Variants in KRT83 observed in about 807,000 individuals in gnomAD.
KRT83 encodes the protein keratin, type II cuticular Hb3.
Under a neutral mutation model 52.9 loss-of-function variants are expected in KRT83, and 51 were observed. The ratio of observed to expected loss-of-function variants is 0.96; its 90% CI spans 0.77 to 1.22. The LOEUF (loss-of-function observed/expected upper bound fraction) is 1.22, where lower values mean the gene tolerates loss of function less well. KRT83 is among the 50% of genes most tolerant of loss of function. The probability of loss-of-function intolerance (pLI) is 0.00; values close to 1 mark genes in which losing one functional copy is unlikely to be tolerated. For synonymous variants in KRT83, 278 were observed against 274.1 expected, an observed-to-expected ratio of 1.01 and a Z score of -0.14; for missense variants, 654 against 666.5, an observed-to-expected ratio of 0.98 and a Z score of 0.21.
rs1000243240 is a variant in KRT83 at position 52,314,479 on chromosome 12, G to C, written c.*152C>G. On this transcript the variant is annotated 3_prime_UTR_variant, in exon 9 of 9. Transcript: ENST00000293670. ...CAGGCCCCTTTCCAGTGGGATGAAA[G>C]GTGGGGAGGAGCCGCTGGTGGGAAT... is the stretch of plus-strand genomic sequence containing the variant. The C allele has an allele frequency of 2.7e-6, 2 of 746,364 alleles. No homozygotes were observed. Among genetic ancestry groups the C allele is most frequent in the East Asian group, 2.7e-5 (1 of 37,162 alleles). 46.2% of individuals were successfully genotyped at this position (746,364 alleles called of 1,614,324 possible). A position where few individuals can be genotyped will look rare whatever the true frequency, so the allele number is the denominator to read the frequency against.
Position 52,321,119 on chromosome 12 carries a change from C to G in KRT83, c.217G>C (p.Gly73Arg), listed in dbSNP as rs760565887. 1.9e-6 allele frequency: 3 copies of G among 1,612,332 alleles called. No homozygotes were observed. The highest frequency in any genetic ancestry group is 1.1e-5 in the South Asian group (1 of 91,002). ...GGGGGGCTGGGTCCGCACACGCCCC[C>G]GGAGCGGTAGCCGAAGCTGCGTCCG... ...SCGRSFGYRSGGVCGPSPPCI... is the reference protein window; with the variant it reads ...SCGRSFGYRSRGVCGPSPPCI... The change falls in exon 1 of 9, where the codon GGG becomes CGG. Residue 73 changes from glycine (G) to arginine (R), a missense_variant. Gly to Arg is a moderately radical substitution (Grantham distance 125, BLOSUM62 -2). Coordinates refer to ENST00000293670, the MANE Select transcript of KRT83 (RefSeq NM_002282.3).
chr12:52,316,651 C>A, intron 5 of KRT83, 58 bp from the exon 6 acceptor site: 1 of 1,613,642 alleles, frequency 6.2e-7, no homozygotes, highest in Non-Finnish European at 8.5e-7. Context: ...TCATTCAGGA[C>A]AGCTCAGATG....
intron 4 of KRT83, 85 bp from the exon 5 acceptor site, chr12:52,317,108 G>C: frequency 1.3e-6 from 2 of 1,558,548 alleles, no homozygotes; most frequent in South Asian, 1.1e-5. Context: ...TTGGCTCATC[G>C]GGAGTGAACT....
intron 8 of KRT83, 21 bp downstream of exon 8, chr12:52,315,291 T>C: frequency 6.2e-7 from 1 of 1,613,004 alleles, no homozygotes. Flanking sequence ...CATTTTCCTT[T>C]TCAGGGCTCA....
In KRT83 at chr12:52,314,520, T is replaced by C. The variant is rs1224061972; in HGVS notation, c.*111A>G. 7 of 1,015,980 alleles carry C rather than the reference T, an allele frequency of 6.9e-6. No individual in the cohort carries two copies. The Admixed American group carries it at 1.2e-4, about 17-fold the overall frequency. 62.9% of individuals were successfully genotyped at this position (1,015,980 alleles called of 1,614,324 possible). A position where few individuals can be genotyped will look rare whatever the true frequency, so the allele number is the denominator to read the frequency against. ...TGGTGGGAATGAGCCGATGGTGTAT[T>C]CTCAGAACACAAGGGGAAAAGCCAG... is the stretch of plus-strand genomic sequence containing the variant. On this transcript the variant is annotated 3_prime_UTR_variant, in exon 9 of 9. Coordinates refer to ENST00000293670, the MANE Select transcript of KRT83 (RefSeq NM_002282.3).
At chr12:52,317,634 G>A in intron 4 of KRT83, 47 bp downstream of exon 4, 1 of 1,594,260 alleles carries the variant, frequency 6.3e-7, no homozygotes, top group Non-Finnish European at 8.6e-7. Context: ...AGAGGGTCAG[G>A]GATCCCATGG....
chr12:52,319,127 T>G, intron 2 of KRT83, 29 bp downstream of exon 2: 2 of 1,612,492 alleles, frequency 1.2e-6, no homozygotes. Context: ...CTATTTCCTG[T>G]GCCCAGAACC....
rs1240531540 is a variant in KRT83 at position 52,314,602 on chromosome 12, G to A, written c.*29C>T. On this transcript the variant is annotated 3_prime_UTR_variant, in exon 9 of 9. Transcript: ENST00000293670. ...GCAGTGGCACGTCTGGCAGGCAGAA[G>A]GGGCTCCCCTGGCTCTCTTTTGGGC... 1 of 1,548,412 alleles carries A rather than the reference G, an allele frequency of 6.5e-7. No individual in the cohort carries two copies. Among genetic ancestry groups the A allele is most frequent in the South Asian group, 1.2e-5 (1 of 83,996 alleles).
intron 7 of KRT83, among the ~76,000 whole-genome samples, chr12:52,315,652 C>T (rs1172262357): frequency 6.6e-6 from 1 of 152,196 alleles, no homozygotes; most frequent in Non-Finnish European, 1.5e-5. Context: ...AGGAGAAGGC[C>T]CTCTTGGGAA....
At chr12:52,318,844 G>A (rs1333852942) in intron 2 of KRT83, among the ~76,000 whole-genome samples, 1 of 152,224 alleles carries the variant, frequency 6.6e-6, no homozygotes, top group African/African-American at 2.4e-5. Context: ...TGTTAGCTGA[G>A]TGAGAGAGCA....
At position 52,314,390 on chromosome 12, in the gene KRT83, G is replaced by A. The variant is rs1430876318; in HGVS notation, c.*241C>T. 16 of 585,908 alleles carry A rather than the reference G, an allele frequency of 2.7e-5. No individual in the cohort carries two copies. The Admixed American group carries it at 4.5e-4, about 16-fold the overall frequency. The allele number at this position is 585,908 out of a possible 1,614,324, so 36.3% of individuals were successfully genotyped here. On this transcript the variant is annotated 3_prime_UTR_variant, in exon 9 of 9. Coordinates refer to ENST00000293670, the MANE Select transcript of KRT83 (RefSeq NM_002282.3). The stretch of plus-strand genomic sequence containing the variant: ...ACAGTGCTTCTTCCAGGGAAGCAAG[G>A]CCCTTCTCCCCGGGAGGGGCTGAAG...
Position 52,316,486 on chromosome 12 carries a change from C to T in KRT83, c.1023G>A (p.Val341=). Residue 341 remains valine (V), a synonymous_variant, in exon 6 of 9, where the codon GTG becomes GTA. Transcript: ENST00000293670. ...NRMIQRLTAE[V]ENAKCQNSKL... is the part of the protein sequence containing the mutation. The stretch of plus-strand genomic sequence containing the variant: ...CTGGTACCTGGCACTTGGCATTCTC[C>T]ACCTCGGCTGTCAGCCTCTGGATCA... 2 of 1,614,148 alleles carry T rather than the reference C, an allele frequency of 1.2e-6. No homozygotes were observed. The highest frequency in any genetic ancestry group is 1.7e-6 in the Non-Finnish European group (2 of 1,180,026).
chr12:52,321,028 T>C lies in KRT83; in HGVS notation c.308A>G (p.Asn103Ser), dbSNP rs758512053. 1.9e-6 allele frequency: 3 copies of C among 1,612,976 alleles called. No homozygotes were observed. The highest frequency in any genetic ancestry group is 2.2e-5 in the South Asian group (2 of 91,028). Residue 103 changes from asparagine to serine, a missense_variant, in exon 1 of 9, where the codon AAC (asparagine) becomes AGC (serine). Asn to Ser is a conservative substitution (Grantham distance 46). Transcript: ENST00000293670. ...LTPLNLEIDP[N>S]AQCVKQEEKE... is the part of the protein sequence containing the mutation. ...CTCCTCCTGCTTCACGCACTGCGCGTTGGGGTCTATCTCCAGGTTGAGGGG... is the reference window on the plus strand; with the variant it reads ...CTCCTCCTGCTTCACGCACTGCGCGCTGGGGTCTATCTCCAGGTTGAGGGG...
chr12:52,316,700 A>C (rs557220825), intron 5 of KRT83, 107 bp from the exon 6 acceptor site: 177 of 1,597,246 alleles, frequency 1.1e-4, no homozygotes, highest in South Asian at 2.2e-4. Flanking sequence ...GTGCAACCAC[A>C]CGTGGCAGTC....
In KRT83 at chr12:52,317,005, A is replaced by T. The variant is rs1422223526; in HGVS notation, c.769T>A (p.Ser257Thr). Residue 257 changes from serine (S) to threonine (T), a missense_variant, in exon 5 of 9, where the codon TCC becomes ACC. Ser to Thr is a moderately conservative substitution (Grantham distance 58). Transcript: ENST00000293670. ...LYEEEIRILQ[S>T]HISDTSVVVK... ...ACCACGGAGGTGTCTGAGATGTGGG[A>T]TTGGAGAATGCGGATCTCCTGCAGG... 1 of 1,614,044 alleles carries T rather than the reference A, an allele frequency of 6.2e-7. No individual in the cohort carries two copies. Among genetic ancestry groups the T allele is most frequent in the Non-Finnish European group, 8.5e-7 (1 of 1,180,040 alleles).
Position 52,314,513 on chromosome 12 carries a change from G to T in KRT83, c.*118C>A. 1.1e-6 allele frequency: 1 copy of T among 942,124 alleles called. No individual in the cohort carries two copies. The highest frequency in any genetic ancestry group is 1.7e-6 in the Non-Finnish European group (1 of 594,618). The allele number at this position is 942,124 out of a possible 1,614,324, so 58.4% of individuals were successfully genotyped here. A position where few individuals can be genotyped will look rare whatever the true frequency, so the allele number is the denominator to read the frequency against. ...GAGCCGCTGGTGGGAATGAGCCGAT[G>T]GTGTATTCTCAGAACACAAGGGGAA... On this transcript the variant is annotated 3_prime_UTR_variant, in exon 9 of 9. Coordinates refer to ENST00000293670, the MANE Select transcript of KRT83 (RefSeq NM_002282.3).
rs11831925 is a variant in KRT83 at position 52,315,062 on chromosome 12, A to T, written c.1295-244T>A. Among the ~76,000 whole-genome samples the T allele has an allele frequency of 2.6e-3, 389 of 152,236 alleles. 2 individuals are homozygous for T. Among genetic ancestry groups the T allele is most frequent in the African/African-American group, 8.6e-3 (359 of 41,548 alleles). On this transcript the variant is annotated intron_variant, in intron 8 of 8. Transcript: ENST00000293670. ...TCAGCTTTCTCACCTATATAAGGTG[A>T]AGGTTATGAATGACATCTGAGGTCC... is the stretch of plus-strand genomic sequence containing the variant.
Position 52,316,462 on chromosome 12 carries a change from T to C in KRT83, c.1041+6A>G, listed in dbSNP as rs2270267. ...CTACACTGAGGGGTGGGCCGGGCTC[T>C]GGTACCTGGCACTTGGCATTCTCCA... is the stretch of plus-strand genomic sequence containing the variant. On this transcript the variant is annotated splice_donor_region_variant and intron_variant, in intron 6 of 8. Transcript: ENST00000293670. 0.41 allele frequency: 660,059 copies of C among 1,613,598 alleles called. 137,575 individuals are homozygous for C. Among genetic ancestry groups the C allele is most frequent in the African/African-American group, 0.49 (36,490 of 74,898 alleles).
chr12:52,318,438 C>T (rs143613288), intron 2 of KRT83, among the ~76,000 whole-genome samples: 11 of 152,064 alleles, frequency 7.2e-5, no homozygotes, highest in African/African-American at 2.4e-4. Context: ...CTGTTTTTCT[C>T]GCCTAGGTCT....
Sources: allele counts gnomAD v4.1 joint callset (sites outside exome capture counted in the v4.1 genomes callset), GRCh38; gene constraint gnomAD v4.1.1; transcripts MANE v1.5; gene names NCBI Gene and HGNC (gene_info 2026-07-23, HGNC 2026-07-21).